Variants in ANKRD17 observed in about 807,000 individuals in gnomAD.
The protein encoded by ANKRD17 is ankyrin repeat domain-containing protein 17.
Under a neutral mutation model 229.7 loss-of-function variants are expected in ANKRD17, and 19 were observed. That is an observed-to-expected ratio of 0.08 (90% CI 0.06 to 0.12). The LOEUF (loss-of-function observed/expected upper bound fraction) is 0.12, where lower values mean the gene tolerates loss of function less well. ANKRD17 is among the 10% of genes least tolerant of loss of function. The pLI, the probability that ANKRD17 is intolerant of heterozygous loss-of-function variation, is 1.00. For missense variants in ANKRD17, 2,176 were observed against 3,176.8 expected (o/e 0.68, Z 7.57); for synonymous variants, 1,112 against 1,146.1 (o/e 0.97, Z 0.60).
chr4:73,098,615 T>TA lies in ANKRD17; in HGVS notation c.4574-96dup, dbSNP rs1723578511. On this transcript the variant is annotated intron_variant, in intron 25 of 33. Transcript: ENST00000358602. ...GAAGAAAAGAAAAACCCAGGAGAGA[T>TA]ACTCTACTACTATTAGCCATGTAAG... The TA allele has an allele frequency of 7.3e-6, 8 of 1,102,850 alleles. 1 individual carries two copies. In the Admixed American group the frequency reaches 2.0e-4, roughly 27 times the overall value. 68.3% of individuals were successfully genotyped at this position (1,102,850 alleles called of 1,614,324 possible). A position where few individuals can be genotyped will look rare whatever the true frequency, so the allele number is the denominator to read the frequency against.
intron 1 of ANKRD17, among the ~76,000 whole-genome samples, chr4:73,228,776 T>G (rs530675285): frequency 1.3e-5 from 2 of 152,336 alleles, no homozygotes; most frequent in African/African-American, 4.8e-5. Context: ...TTTATCTTGT[T>G]TCTAACGTTC....
chr4:73,130,298 T>C (rs1271611112), intron 16 of ANKRD17, among the ~76,000 whole-genome samples: 1 of 152,142 alleles, frequency 6.6e-6, no homozygotes, highest in East Asian at 1.9e-4. Context: ...GTAGAATGCA[T>C]GTATTTTAAA....
At chr4:73,133,242 C>T (rs1315356908) in intron 16 of ANKRD17, among the ~76,000 whole-genome samples, 2 of 150,714 alleles carry the variant, frequency 1.3e-5, no homozygotes, top group Non-Finnish European at 2.9e-5. Flanking sequence ...AGCGAGACTC[C>T]GTCTCAAAAT....
chr4:73,097,854 C>CAAA (rs11390517), intron 26 of ANKRD17, among the ~76,000 whole-genome samples: 1 of 145,488 alleles, frequency 6.9e-6, no homozygotes, highest in African/African-American at 2.5e-5. Flanking sequence ...GTTTAACAAC[C>CAAA]AAAAAAAAAA....
At chr4:73,225,818 C>T (rs1378435768) in intron 1 of ANKRD17, among the ~76,000 whole-genome samples, 8 of 127,194 alleles carry the variant, frequency 6.3e-5, no homozygotes, top group Non-Finnish European at 1.3e-4. Context: ...GTCGAGATCA[C>T]GCCACTGCAC....
At chr4:73,215,104 A>G (rs1344372872) in intron 1 of ANKRD17, among the ~76,000 whole-genome samples, 1 of 152,204 alleles carries the variant, frequency 6.6e-6, no homozygotes, top group African/African-American at 2.4e-5. Context: ...AACGAATGAT[A>G]TGAGCCTGTC....
chr4:73,225,659 G>C (rs904792545), intron 1 of ANKRD17, among the ~76,000 whole-genome samples: 1 of 151,908 alleles, frequency 6.6e-6, no homozygotes, highest in Admixed American at 6.5e-5. Context: ...AGGAGTTCGA[G>C]AAGAGTCTGA....
intron 1 of ANKRD17, among the ~76,000 whole-genome samples, chr4:73,200,378 T>C (rs928675749): frequency 1.3e-5 from 2 of 152,126 alleles, no homozygotes; most frequent in East Asian, 1.9e-4. Flanking sequence ...AGGAGGATCA[T>C]TTAAGCCCAA....
chr4:73,077,927 CA>C (rs142923373), intron 31 of ANKRD17, among the ~76,000 whole-genome samples: 2 of 150,708 alleles, frequency 1.3e-5, no homozygotes, highest in African/African-American at 2.5e-5. Flanking sequence ...ATTCACATAA[CA>C]AAAAAAATAG....
At chr4:73,093,806 T>C (rs779978432) in intron 28 of ANKRD17, among the ~76,000 whole-genome samples, 2 of 152,242 alleles carry the variant, frequency 1.3e-5, no homozygotes, top group Admixed American at 6.5e-5. Flanking sequence ...TTTAAGAATG[T>C]CATATAAACA....
intron 16 of ANKRD17, among the ~76,000 whole-genome samples, chr4:73,133,627 C>T (rs1271030900): frequency 6.6e-6 from 1 of 151,976 alleles, no homozygotes; most frequent in African/African-American, 2.4e-5. Context: ...CTCCTGACCT[C>T]AGGTGATCCG....
intron 1 of ANKRD17, among the ~76,000 whole-genome samples, chr4:73,224,154 G>A (rs1742211113): frequency 6.6e-6 from 1 of 152,126 alleles, no homozygotes; most frequent in Non-Finnish European, 1.5e-5. Context: ...TACTCAGGTG[G>A]CTGCATGAGA....
intron 1 of ANKRD17, among the ~76,000 whole-genome samples, chr4:73,227,198 G>C (rs1315278606): frequency 1.3e-5 from 2 of 152,160 alleles, no homozygotes; most frequent in Non-Finnish European, 1.5e-5. Flanking sequence ...TTGCACTCCA[G>C]GTTGGAGTGC....
intron 16 of ANKRD17, among the ~76,000 whole-genome samples, chr4:73,128,248 T>C (rs1560561884): frequency 6.6e-6 from 1 of 152,244 alleles, no homozygotes; most frequent in Non-Finnish European, 1.5e-5. Context: ...CAAGAAGATC[T>C]TGATAACAAA....
chr4:73,152,350 ACTAC>A (rs1731108922), intron 6 of ANKRD17, among the ~76,000 whole-genome samples: 1 of 152,076 alleles, frequency 6.6e-6, no homozygotes, highest in Admixed American at 6.6e-5. Context: ...ATATTTGTCA[ACTAC>A]CTACCATCCC....
At chr4:73,079,589 G>T (rs1721345290) in intron 30 of ANKRD17, among the ~76,000 whole-genome samples, 1 of 151,976 alleles carries the variant, frequency 6.6e-6, no homozygotes, top group Non-Finnish European at 1.5e-5. Flanking sequence ...AATTAGAACT[G>T]AAGTTTATAG....
intron 6 of ANKRD17, 82 bp downstream of exon 6, chr4:73,153,798 T>C: frequency 2.9e-6 from 3 of 1,022,242 alleles, no homozygotes; most frequent in Non-Finnish European, 4.0e-6. Flanking sequence ...GTTTTATTTT[T>C]TAACTTAGAA....
rs369174266 is a variant in ANKRD17, at chr4:73,161,883, A to G, written c.548-535T>C. On this transcript the variant is annotated intron_variant, in intron 2 of 33. Coordinates refer to ENST00000358602, the MANE Select transcript of ANKRD17 (RefSeq NM_032217.5). ...ACATTTTATTTTTTTTAATTTATAT[A>G]TATTTCTTTTCGAGACAGGGTCTTA... is the stretch of plus-strand genomic sequence containing the variant. Among the ~76,000 whole-genome samples, 34 of 151,882 alleles carry G rather than the reference A, an allele frequency of 2.2e-4. No homozygotes were observed. The South Asian group carries it at 6.9e-3, about 31-fold the overall frequency.
chr4:73,188,747 A>C (rs1736631295), intron 1 of ANKRD17, among the ~76,000 whole-genome samples: 1 of 152,162 alleles, frequency 6.6e-6, no homozygotes, highest in Admixed American at 6.5e-5. Context: ...AATTGAGAAG[A>C]GGTAAAAGTT....
Sources: gnomAD v4.1 joint callset for allele counts (sites outside exome capture counted in the v4.1 genomes callset) on GRCh38, gnomAD v4.1.1 for gene constraint, MANE v1.5 for transcripts, NCBI Gene and HGNC (gene_info 2026-07-23, HGNC 2026-07-21) for gene names.